The following MTA3 variants were observed in gnomAD, a reference collection of about 807,000 sequenced individuals.
MTA3 encodes metastasis associated 1 family member 3.
A neutral mutation model predicts 83.5 loss-of-function variants in MTA3; 34 were observed. That is an observed-to-expected ratio of 0.41 (90% CI 0.31 to 0.54). The LOEUF (loss-of-function observed/expected upper bound fraction) is 0.54. Among genes scored for constraint, MTA3 ranks in the 20% least tolerant of loss-of-function variants. MTA3 has a pLI of 0.33. For missense variants in MTA3, 761 were observed against 726.4 expected, an observed-to-expected ratio of 1.05 and a Z score of -0.55; for synonymous variants, 303 against 252.7, an observed-to-expected ratio of 1.20 and a Z score of -1.89.
At chr2:42,657,340 G>C (rs1223673724) in intron 7 of MTA3, among the ~76,000 whole-genome samples, 4 of 152,132 alleles carry the variant, frequency 2.6e-5, no homozygotes, top group Non-Finnish European at 5.9e-5. Context: ...GGCATTTGGA[G>C]TCCAGAGCCC....
intron 3 of MTA3, among the ~76,000 whole-genome samples, chr2:42,604,339 G>T (rs868170247): frequency 6.6e-6 from 1 of 152,184 alleles, no homozygotes; most frequent in African/African-American, 2.4e-5. Flanking sequence ...CACTGCGCCC[G>T]GCGTCCAGTG....
chr2:42,673,719 C>G (rs1392622570), intron 8 of MTA3, among the ~76,000 whole-genome samples: 1 of 152,172 alleles, frequency 6.6e-6, no homozygotes, highest in Non-Finnish European at 1.5e-5. Flanking sequence ...TCAGCTGACT[C>G]CAGCTGATTT....
At chr2:42,562,638 T>C (rs1332280737) in intron 2 of MTA3, among the ~76,000 whole-genome samples, 1 of 152,220 alleles carries the variant, frequency 6.6e-6, no homozygotes, top group Non-Finnish European at 1.5e-5. Context: ...TCTGATCTCC[T>C]GAACCTGACC....
chr2:42,647,608 A>G (rs1558540470), intron 6 of MTA3, among the ~76,000 whole-genome samples: 1 of 152,046 alleles, frequency 6.6e-6, no homozygotes, highest in East Asian at 2.0e-4. Flanking sequence ...CCTTTCTTCA[A>G]GGCTACTTCT....
At chr2:42,665,369 G>A (rs1162243992) in intron 8 of MTA3, among the ~76,000 whole-genome samples, 2 of 149,864 alleles carry the variant, frequency 1.3e-5, no homozygotes, top group East Asian at 3.9e-4. Context: ...TTCAGCCTGG[G>A]TGACAGAGCA....
At chr2:42,729,249 A>C (rs1668074658) in intron 16 of MTA3, among the ~76,000 whole-genome samples, 1 of 150,870 alleles carries the variant, frequency 6.6e-6, no homozygotes, top group South Asian at 2.1e-4. Flanking sequence ...GGCGCCCACC[A>C]CCACGCCCGG....
At chr2:42,681,746 A>C (rs1301738510) in intron 8 of MTA3, among the ~76,000 whole-genome samples, 3 of 152,104 alleles carry the variant, frequency 2.0e-5, no homozygotes, top group African/African-American at 7.2e-5. Flanking sequence ...CCTGGGCTCA[A>C]GTGTTCCTCC....
intron 2 of MTA3, among the ~76,000 whole-genome samples, chr2:42,546,045 C>T (rs1473724803): frequency 6.6e-6 from 1 of 152,170 alleles, no homozygotes; most frequent in Non-Finnish European, 1.5e-5. Flanking sequence ...TAAGCCACTC[C>T]TGAAAGGGCA....
At chr2:42,506,905 C>T (rs1009211235) in intron 2 of MTA3, among the ~76,000 whole-genome samples, 44 of 151,766 alleles carry the variant, frequency 2.9e-4, no homozygotes, top group African/African-American at 9.7e-4. Flanking sequence ...CCGCGCCTGG[C>T]CTGTTTTATT....
chr2:42,661,418 T>C (rs2104377128), intron 8 of MTA3, among the ~76,000 whole-genome samples: 1 of 151,112 alleles, frequency 6.6e-6, no homozygotes. Context: ...GGGAGATTGC[T>C]TGAGCCTGGG....
intron 2 of MTA3, among the ~76,000 whole-genome samples, chr2:42,507,660 G>A (rs1207810929): frequency 6.6e-6 from 1 of 151,198 alleles, no homozygotes; most frequent in Admixed American, 6.6e-5. Context: ...CAGGTGCCGT[G>A]GCTCACACCT....
intron 4 of MTA3, among the ~76,000 whole-genome samples, chr2:42,637,811 A>C (rs1338199195): frequency 6.6e-6 from 1 of 152,120 alleles, no homozygotes; most frequent in Non-Finnish European, 1.5e-5. Flanking sequence ...TTATTTCCTA[A>C]TATAATTATG....
chr2:42,721,031 G>A (rs1036821051), intron 15 of MTA3, among the ~76,000 whole-genome samples: 2 of 151,196 alleles, frequency 1.3e-5, no homozygotes, highest in African/African-American at 4.9e-5. Context: ...ATAATTGTGT[G>A]CTCCTACTGT....
At chr2:42,600,821 G>A (rs1168775137) in intron 3 of MTA3, among the ~76,000 whole-genome samples, 1 of 152,048 alleles carries the variant, frequency 6.6e-6, no homozygotes, top group African/African-American at 2.4e-5. Context: ...GATTACAGAC[G>A]TAAGCCACTG....
At chr2:42,525,132 G>C (rs1318116694) in intron 2 of MTA3, among the ~76,000 whole-genome samples, 6 of 148,346 alleles carry the variant, frequency 4.0e-5, no homozygotes, top group African/African-American at 1.5e-4. Context: ...GGTCTCTTGA[G>C]AGTTGAGATG....
At chr2:42,544,837 G>A (rs191747770) in intron 2 of MTA3, among the ~76,000 whole-genome samples, 130 of 152,270 alleles carry the variant, frequency 8.5e-4, no homozygotes, top group Middle Eastern at 6.8e-3. Context: ...CAGTTACAAG[G>A]AAGTGGGTCA....
chr2:42,538,936 G>A (rs1323017488), intron 2 of MTA3, among the ~76,000 whole-genome samples: 1 of 149,544 alleles, frequency 6.7e-6, no homozygotes, highest in East Asian at 2.0e-4. Context: ...CACCGTGCCC[G>A]GCTAATTTTT....
At chr2:42,701,162 C>A (rs1016369902) in intron 11 of MTA3, among the ~76,000 whole-genome samples, 1 of 151,658 alleles carries the variant, frequency 6.6e-6, no homozygotes, top group African/African-American at 2.4e-5. Context: ...TATAACCAGG[C>A]ATGGTGGCGT....
chr2:42,647,088 C>T (rs1463500369), intron 6 of MTA3, among the ~76,000 whole-genome samples: 21 of 133,044 alleles, frequency 1.6e-4, no homozygotes, highest in Non-Finnish European at 2.0e-4. Context: ...ACCCAGGAGG[C>T]GGAGGTTGCA....
Sources: gnomAD v4.1 joint callset for allele counts (sites outside exome capture counted in the v4.1 genomes callset) on GRCh38, gnomAD v4.1.1 for gene constraint, MANE v1.5 for transcripts, NCBI Gene and HGNC (gene_info 2026-07-23, HGNC 2026-07-21) for gene names.